Variants in NRXN3 observed in about 807,000 individuals in gnomAD.
NRXN3 encodes neurexin 3.
Under a neutral mutation model 137.6 loss-of-function variants are expected in NRXN3, and 32 were observed. The ratio of observed to expected loss-of-function variants is 0.23; its 90% CI spans 0.18 to 0.31. The LOEUF is 0.31. Among genes scored for constraint, NRXN3 ranks in the 10% least tolerant of loss-of-function variants. The pLI is 1.00. For synonymous variants in NRXN3, 798 were observed against 784.5 expected (o/e 1.02, Z -0.29); for missense variants, 1,574 against 2,062.5 (o/e 0.76, Z 4.59).
chr14:79,646,844 A>T (rs2098455240), intron 16 of NRXN3, among the ~76,000 whole-genome samples: 1 of 136,044 alleles, frequency 7.4e-6, no homozygotes, highest in African/African-American at 2.5e-5. Context: ...GTGGGATTGG[A>T]TGAAGGATCT....
intron 20 of NRXN3, among the ~76,000 whole-genome samples, chr14:79,818,841 T>C (rs1457355451): frequency 6.6e-6 from 1 of 152,248 alleles, no homozygotes; most frequent in Non-Finnish European, 1.5e-5. Context: ...TGTTTGCTTG[T>C]ATTATAATCC....
Position 78,621,311 on chromosome 14 carries a change from A to G in NRXN3, c.758-23809A>G, listed in dbSNP as rs575580663. ...GACTGCACTAATTCTGTATTTTCCT[A>G]ATTTAGTCATGTTAAGCTAAAATTT... On this transcript the variant is annotated intron_variant, in intron 4 of 20. Coordinates refer to ENST00000335750, the MANE Select transcript of NRXN3 (RefSeq NM_001330195.2). Among the ~76,000 whole-genome samples, 6 of 152,270 alleles carry G rather than the reference A, an allele frequency of 3.9e-5. No homozygotes were observed. The South Asian group carries it at 1.2e-3, about 32-fold the overall frequency.
intron 15 of NRXN3, among the ~76,000 whole-genome samples, chr14:79,363,410 C>T (rs2153421844): frequency 6.6e-6 from 1 of 152,290 alleles, no homozygotes; most frequent in Non-Finnish European, 1.5e-5. Flanking sequence ...AATGTCTCCA[C>T]ATATTCTTCC....
intron 4 of NRXN3, among the ~76,000 whole-genome samples, chr14:78,348,651 G>A (rs1002963045): frequency 2.6e-5 from 4 of 152,262 alleles, no homozygotes; most frequent in Admixed American, 6.5e-5. Flanking sequence ...TGTGGTCCCC[G>A]GACCAACAGC....
At chr14:79,136,803 C>T (rs1027526475) in intron 15 of NRXN3, among the ~76,000 whole-genome samples, 4 of 152,246 alleles carry the variant, frequency 2.6e-5, no homozygotes, top group Non-Finnish European at 4.4e-5. Flanking sequence ...AAGGCAAAAA[C>T]GAACACTGTA....
intron 16 of NRXN3, chr14:79,570,710 A>G (rs576805548): frequency 5.3e-5 from 8 of 152,230 alleles, no homozygotes; most frequent in Admixed American, 2.0e-4. Flanking sequence ...ATAAAATATC[A>G]TAGACTGAGA....
chr14:79,496,882 C>T (rs953647393), intron 16 of NRXN3, among the ~76,000 whole-genome samples: 7 of 152,160 alleles, frequency 4.6e-5, no homozygotes, highest in South Asian at 2.1e-4. Flanking sequence ...GGCATTTCAA[C>T]GGCATTAGTA....
chr14:78,696,123 T>C (rs1393546942), intron 6 of NRXN3, among the ~76,000 whole-genome samples: 1 of 152,014 alleles, frequency 6.6e-6, no homozygotes, highest in Non-Finnish European at 1.5e-5. Flanking sequence ...TCTTTTATAA[T>C]CCAGCTAGCT....
At chr14:78,576,188 A>T (rs1397785946) in intron 4 of NRXN3, among the ~76,000 whole-genome samples, 2 of 152,168 alleles carry the variant, frequency 1.3e-5, no homozygotes, top group African/African-American at 4.8e-5. Flanking sequence ...AGGCAAGTGA[A>T]AGAGCAGCTC....
intron 16 of NRXN3, among the ~76,000 whole-genome samples, chr14:79,510,890 G>A (rs772678992): frequency 7.9e-5 from 12 of 152,148 alleles, no homozygotes; most frequent in Non-Finnish European, 1.6e-4. Flanking sequence ...AGCAGGGAGA[G>A]GGCTGTCCCT....
At chr14:78,742,901 TTAAA>T (rs2152930355) in intron 8 of NRXN3, among the ~76,000 whole-genome samples, 1 of 152,330 alleles carries the variant, frequency 6.6e-6, no homozygotes, top group East Asian at 1.9e-4. Context: ...AACAGCTTAG[TTAAA>T]TAAACTCAAG....
intron 15 of NRXN3, among the ~76,000 whole-genome samples, chr14:79,351,547 TAATAAC>T (rs1219508472): frequency 1.3e-5 from 2 of 152,196 alleles, no homozygotes; most frequent in Admixed American, 1.3e-4. Context: ...GCAAGTCACT[TAATAAC>T]TATCAGCCTC....
intron 19 of NRXN3, among the ~76,000 whole-genome samples, chr14:79,726,349 G>A (rs1056850090): frequency 2.0e-5 from 3 of 152,060 alleles, no homozygotes; most frequent in African/African-American, 4.8e-5. Context: ...GCTTGGTGTG[G>A]ATAAGAATAT....
intron 4 of NRXN3, among the ~76,000 whole-genome samples, chr14:78,634,848 A>G (rs1217836622): frequency 1.3e-5 from 2 of 152,052 alleles, no homozygotes; most frequent in African/African-American, 4.8e-5. Context: ...ATGTATGTGT[A>G]TATATATATA....
intron 19 of NRXN3, among the ~76,000 whole-genome samples, chr14:79,752,526 A>T (rs1026376580): frequency 5.3e-5 from 8 of 152,178 alleles, no homozygotes; most frequent in East Asian, 1.9e-4. Context: ...TGCAGAAAGC[A>T]GAAACTGGAT....
At chr14:78,171,996 T>C (rs2058769283) in intron 1 of NRXN3, among the ~76,000 whole-genome samples, 1 of 152,142 alleles carries the variant, frequency 6.6e-6, no homozygotes, top group South Asian at 2.1e-4. Flanking sequence ...ACAAGAGCTG[T>C]CTTCTCCCCG....
intron 20 of NRXN3, among the ~76,000 whole-genome samples, chr14:79,857,663 C>T (rs954799338): frequency 1.3e-5 from 2 of 152,102 alleles, no homozygotes; most frequent in Non-Finnish European, 2.9e-5. Flanking sequence ...AAATTAATTA[C>T]ACCAACATAT....
Position 79,631,387 on chromosome 14 carries a change from G to C in NRXN3, c.3445-32391G>C, listed in dbSNP as rs1816146. Among the ~76,000 whole-genome samples, 6 of 152,254 alleles carry C rather than the reference G, an allele frequency of 3.9e-5. No homozygotes were observed. The East Asian group carries it at 9.7e-4, about 25-fold the overall frequency. On this transcript the variant is annotated intron_variant, in intron 16 of 20. Transcript: ENST00000335750. ...CTGGAAGAGCCCTTCAGTCCGCCGC[G>C]GCGCTGTGGGGGCCCCTCTCTGGGG...
chr14:78,292,403 T>G (rs1402472590), intron 3 of NRXN3, among the ~76,000 whole-genome samples: 1 of 152,174 alleles, frequency 6.6e-6, no homozygotes, highest in Admixed American at 6.5e-5. Context: ...TTTTCTCCTC[T>G]TATTCCTCTA....
Sources: allele counts gnomAD v4.1 joint callset (sites outside exome capture counted in the v4.1 genomes callset), GRCh38; gene constraint gnomAD v4.1.1; transcripts MANE v1.5; gene names NCBI Gene and HGNC (gene_info 2026-07-23, HGNC 2026-07-21).